LRRC72: variants seen among roughly 807,000 people sequenced by gnomAD.
LRRC72 encodes the protein leucine-rich repeat-containing protein 72.
Under a neutral mutation model 35.8 loss-of-function variants are expected in LRRC72, and 41 were observed. That is an observed-to-expected ratio of 1.15 (90% CI 0.89 to 1.49). The LOEUF is 1.49. LRRC72 is among the 40% of genes most tolerant of loss of function. The pLI is 0.00. For synonymous variants in LRRC72, 118 were observed against 119.2 expected, an observed-to-expected ratio of 0.99 and a Z score of 0.07; for missense variants, 389 against 330.7, an observed-to-expected ratio of 1.18 and a Z score of -1.37.
At chr7:16,530,484 A>G (rs1400099266) in intron 1 of LRRC72, 1 of 152,218 alleles carries the variant, frequency 6.6e-6, no homozygotes, top group Non-Finnish European at 1.5e-5. Flanking sequence ...ATCCTCAGAA[A>G]CACACCCATA....
At chr7:16,555,209 G>A (rs1450096074) in intron 3 of LRRC72, among the ~76,000 whole-genome samples, 2 of 152,180 alleles carry the variant, frequency 1.3e-5, no homozygotes, top group East Asian at 3.8e-4. Flanking sequence ...TAATTTGGTG[G>A]AGATGAGTCT....
intron 1 of LRRC72, among the ~76,000 whole-genome samples, chr7:16,527,483 T>G (rs1782091002): frequency 6.6e-6 from 1 of 151,870 alleles, no homozygotes; most frequent in Non-Finnish European, 1.5e-5. Flanking sequence ...GATGTGGGTG[T>G]GGGTGTGTAT....
At position 16,574,202 on chromosome 7, in the gene LRRC72, C is replaced by A. The variant is rs1782998370; in HGVS notation, c.671-5872C>A. Reference sequence around the variant, plus strand: ...TAGTAATGCTTTTACACTCTTGGGGCAGTGTAAATTAGTTCAACCATTGTG... The same window carrying A: ...TAGTAATGCTTTTACACTCTTGGGGAAGTGTAAATTAGTTCAACCATTGTG... On this transcript the variant is annotated intron_variant, in intron 7 of 8. Transcript: ENST00000401542. Among the ~76,000 whole-genome samples the A allele has an allele frequency of 3.3e-5, 5 of 152,100 alleles. No homozygotes were observed. In the South Asian group the frequency reaches 1.0e-3, roughly 32 times the overall value.
chr7:16,567,450 A>T lies in LRRC72; in HGVS notation c.577A>T (p.Ile193Phe). 6.5e-7 allele frequency: 1 copy of T among 1,532,116 alleles called. No individual in the cohort carries two copies. The highest frequency in any genetic ancestry group is 8.8e-7 in the Non-Finnish European group (1 of 1,138,842). 94.9% of individuals were successfully genotyped at this position (1,532,116 alleles called of 1,614,324 possible). A position where few individuals can be genotyped will look rare whatever the true frequency, so the allele number is the denominator to read the frequency against. ...ITIFNHKKAH[I>F]VQSIAFGGKV... ...CATTTTTAACCATAAAAAGGCTCAT[A>T]TCGTTCAATCAATAGCATTCGGAGG... The change falls in exon 7 of 9, where the codon ATC becomes TTC. Residue 193 changes from isoleucine to phenylalanine, a missense_variant. Ile to Phe is a conservative substitution (Grantham distance 21). Coordinates refer to ENST00000401542, the MANE Select transcript of LRRC72 (RefSeq NM_001195280.2).
At chr7:16,563,569 A>T (rs1015010363) in intron 5 of LRRC72, among the ~76,000 whole-genome samples, 1 of 152,222 alleles carries the variant, frequency 6.6e-6, no homozygotes, top group African/African-American at 2.4e-5. Context: ...TACATCATAG[A>T]AGGCTTTCAG....
chr7:16,542,328 C>A (rs1407035405), intron 3 of LRRC72, among the ~76,000 whole-genome samples: 1 of 152,152 alleles, frequency 6.6e-6, no homozygotes, highest in African/African-American at 2.4e-5. Context: ...CAACAAAAGG[C>A]TGAATTTTTT....
At chr7:16,571,028 GTAGAAT>G (rs1425635586) in intron 7 of LRRC72, among the ~76,000 whole-genome samples, 1 of 148,602 alleles carries the variant, frequency 6.7e-6, no homozygotes, top group Non-Finnish European at 1.5e-5. Context: ...CAGTTATACT[GTAGAAT>G]GCCTCAATTT....
At chr7:16,571,274 G>A (rs184299170) in intron 7 of LRRC72, among the ~76,000 whole-genome samples, 2 of 152,236 alleles carry the variant, frequency 1.3e-5, no homozygotes, top group African/African-American at 4.8e-5. Flanking sequence ...TGTTCAGGCC[G>A]TGAGGGAAGG....
chr7:16,576,612 C>G (rs961440115), intron 7 of LRRC72, among the ~76,000 whole-genome samples: 2 of 152,140 alleles, frequency 1.3e-5, no homozygotes, highest in African/African-American at 4.8e-5. Context: ...CCAATATTCT[C>G]AGAACCAAAA....
intron 3 of LRRC72, among the ~76,000 whole-genome samples, chr7:16,541,109 A>C (rs487815): frequency 0.85 from 129,315 of 152,108 alleles, 55,420 homozygotes; most frequent in East Asian, 1. Context: ...GAGTGTTGGA[A>C]TCAAAGCTTT....
intron 1 of LRRC72, among the ~76,000 whole-genome samples, chr7:16,527,946 TG>T (rs1387532838): frequency 1.3e-5 from 2 of 152,158 alleles, no homozygotes; most frequent in Non-Finnish European, 1.5e-5. Context: ...AAGCAGCTGC[TG>T]TTCTCCCCAT....
At chr7:16,552,024 G>A (rs747615534) in intron 3 of LRRC72, among the ~76,000 whole-genome samples, 6 of 152,240 alleles carry the variant, frequency 3.9e-5, no homozygotes, top group Non-Finnish European at 7.3e-5. Context: ...AGGACACACA[G>A]TTGGTGTCTG....
At chr7:16,534,379 A>T (rs1782217729) in intron 2 of LRRC72, among the ~76,000 whole-genome samples, 1 of 152,222 alleles carries the variant, frequency 6.6e-6, no homozygotes, top group Non-Finnish European at 1.5e-5. Flanking sequence ...GACGTGAAAG[A>T]GTTAAAGTAC....
At chr7:16,576,335 T>G (rs1449073729) in intron 7 of LRRC72, among the ~76,000 whole-genome samples, 2 of 152,168 alleles carry the variant, frequency 1.3e-5, no homozygotes, top group African/African-American at 4.8e-5. Flanking sequence ...TTCTAAAAAA[T>G]TATAAGAGTA....
chr7:16,577,013 G>A (rs1783053888), intron 7 of LRRC72, among the ~76,000 whole-genome samples: 1 of 152,188 alleles, frequency 6.6e-6, no homozygotes, highest in Admixed American at 6.5e-5. Context: ...GGTATGAGCT[G>A]GGAGATCAAC....
chr7:16,528,903 A>G (rs1486684953), intron 1 of LRRC72, among the ~76,000 whole-genome samples: 1 of 152,310 alleles, frequency 6.6e-6, no homozygotes, highest in Non-Finnish European at 1.5e-5. Flanking sequence ...ACAATTTGAT[A>G]TTGGATATTG....
chr7:16,573,642 C>CA (rs1159877112), intron 7 of LRRC72, among the ~76,000 whole-genome samples: 1 of 152,148 alleles, frequency 6.6e-6, no homozygotes, highest in Non-Finnish European at 1.5e-5. Flanking sequence ...ACACTTTATA[C>CA]AAAAATTAAC....
In LRRC72 at chr7:16,581,486, A is replaced by T. The variant is rs778523817; in HGVS notation, c.861A>T (p.Arg287Ser). Residue 287 changes from arginine to serine, a missense_variant, in exon 9 of 9, where the codon AGA becomes AGT. Coordinates refer to ENST00000401542, the MANE Select transcript of LRRC72 (RefSeq NM_001195280.2). ...CTCAAATGCTCACAGTTACACTGAG[A>T]TAAGCCCTGGTATTTCTAGATATCT... ...ETAQMLTVTL[R>S] is the part of the protein sequence containing the mutation. 4.5e-5 allele frequency: 70 copies of T among 1,542,012 alleles called. No individual in the cohort carries two copies. The highest frequency in any genetic ancestry group is 5.9e-5 in the Non-Finnish European group (67 of 1,143,622).
At chr7:16,554,494 T>C (rs1376264370) in intron 3 of LRRC72, among the ~76,000 whole-genome samples, 1 of 152,210 alleles carries the variant, frequency 6.6e-6, no homozygotes, top group East Asian at 1.9e-4. Flanking sequence ...TTTCTTCTCC[T>C]GCAACCTTTA....
Sources: gnomAD v4.1 joint callset for allele counts (sites outside exome capture counted in the v4.1 genomes callset) on GRCh38, gnomAD v4.1.1 for gene constraint, MANE v1.5 for transcripts, NCBI Gene and HGNC (gene_info 2026-07-23, HGNC 2026-07-21) for gene names.